The following PAX7 variants were observed in gnomAD, a reference collection of about 807,000 sequenced individuals.
PAX7 encodes the protein paired box 7.
PAX7 carries 18 observed loss-of-function variants against 50.7 expected under a neutral mutation model. That is an observed-to-expected ratio of 0.36 (90% CI 0.25 to 0.53). PAX7 has a LOEUF of 0.53. Among genes scored for constraint, PAX7 ranks in the 20% least tolerant of loss-of-function variants. The pLI is 0.93. For synonymous variants in PAX7, 310 were observed against 290.4 expected, an observed-to-expected ratio of 1.07 and a Z score of -0.69; for missense variants, 644 against 702.9, an observed-to-expected ratio of 0.92 and a Z score of 0.95.
chr1:18,668,219 G>A (rs1254476179), intron 4 of PAX7, among the ~76,000 whole-genome samples: 1 of 152,204 alleles, frequency 6.6e-6, no homozygotes, highest in East Asian at 1.9e-4. Context: ...CTGGCCCAGA[G>A]TCAGAGCTGT....
chr1:18,741,111 A>G (rs1409396181), intron 8 of PAX7, among the ~76,000 whole-genome samples: 4 of 152,236 alleles, frequency 2.6e-5, no homozygotes, highest in Admixed American at 6.5e-5. Context: ...AATGTATTGT[A>G]TATTTCAAAA....
In PAX7 at chr1:18,746,872, G is replaced by T. The variant is rs531949762; in HGVS notation, c.*1943G>T. 1 of 231,578 alleles carries T rather than the reference G, an allele frequency of 4.3e-6. No homozygotes were observed. Among genetic ancestry groups the T allele is most frequent in the East Asian group, 6.1e-5 (1 of 16,360 alleles). 14.3% of individuals were successfully genotyped at this position (231,578 alleles called of 1,614,324 possible). The stretch of plus-strand genomic sequence containing the variant: ...CATGACCAGGCTGGCTCATATCTCT[G>T]GTTTAGAGAAACCTATGAATAACTG... On this transcript the variant is annotated 3_prime_UTR_variant, in exon 9 of 9. Coordinates refer to ENST00000420770, the MANE Select transcript of PAX7 (RefSeq NM_001135254.2).
chr1:18,740,479 C>G (rs1290362698), intron 8 of PAX7, among the ~76,000 whole-genome samples: 2 of 152,166 alleles, frequency 1.3e-5, no homozygotes, highest in African/African-American at 4.8e-5. Context: ...CTCTCCGTAC[C>G]TCAGTTTCCT....
Position 18,735,681 on chromosome 1 carries a change from C to T in PAX7, c.1205C>T (p.Ala402Val). ...AGTGCGGTGCCCCCGCAGCCACAGG[C>T]TGACTTCTCCATCTCCCCGCTGCAT... The part of the protein sequence containing the change: ...NPSAVPPQPQ[A>V]DFSISPLHGG... The change falls in exon 8 of 9, where the codon GCT becomes GTT. Residue 402 changes from alanine to valine, a missense_variant. Coordinates refer to ENST00000420770, the MANE Select transcript of PAX7 (RefSeq NM_001135254.2). This position sits in a 1 kb window ranked among gnomAD's most constrained non-coding sequence, Gnocchi z 4.0. 6.2e-7 allele frequency: 1 copy of T among 1,614,120 alleles called. No individual in the cohort carries two copies. Among genetic ancestry groups the T allele is most frequent in the Non-Finnish European group, 8.5e-7 (1 of 1,179,998 alleles).
intron 7 of PAX7, among the ~76,000 whole-genome samples, chr1:18,705,831 C>G (rs2089276405): frequency 6.6e-6 from 1 of 152,148 alleles, no homozygotes; most frequent in South Asian, 2.1e-4. Context: ...CGAGAGGCCT[C>G]CAGCCCATTC....
intron 5 of PAX7, among the ~76,000 whole-genome samples, chr1:18,695,409 CAA>C (rs1236526225): frequency 1.2e-4 from 19 of 152,120 alleles, no homozygotes; most frequent in Admixed American, 1.2e-3. Context: ...ATTCACTGGG[CAA>C]AAAGCTCTGC....
At chr1:18,688,177 G>A (rs1054255749) in intron 4 of PAX7, among the ~76,000 whole-genome samples, 1 of 152,092 alleles carries the variant, frequency 6.6e-6, no homozygotes, top group Non-Finnish European at 1.5e-5. Context: ...ACTAATTCAA[G>A]GATACTAATG....
chr1:18,710,841 G>A (rs1343182126), intron 7 of PAX7, among the ~76,000 whole-genome samples: 3 of 152,180 alleles, frequency 2.0e-5, no homozygotes, highest in African/African-American at 4.8e-5. Flanking sequence ...AGGAGGTGTG[G>A]AGGATTGCCT....
chr1:18,708,988 C>T (rs886879929), intron 7 of PAX7, among the ~76,000 whole-genome samples: 4 of 152,134 alleles, frequency 2.6e-5, no homozygotes, highest in South Asian at 2.1e-4. Flanking sequence ...CTGCCAGTTT[C>T]GAGGGTCCCT....
intron 5 of PAX7, among the ~76,000 whole-genome samples, chr1:18,696,884 TA>T (rs1278448074): frequency 6.6e-6 from 1 of 152,224 alleles, no homozygotes; most frequent in African/African-American, 2.4e-5. Context: ...ATTGTACCTT[TA>T]AAAATAACTA....
intron 7 of PAX7, 99 bp downstream of exon 7, chr1:18,703,395 A>G (rs2089247845): frequency 1.9e-6 from 2 of 1,071,468 alleles, no homozygotes; most frequent in African/African-American, 3.1e-5. Flanking sequence ...TTCCTGTAGC[A>G]GGCTGACTGC....
At chr1:18,649,850 G>A (rs1300284159) in intron 4 of PAX7, among the ~76,000 whole-genome samples, 1 of 152,236 alleles carries the variant, frequency 6.6e-6, no homozygotes, top group Non-Finnish European at 1.5e-5. Context: ...ACTAACTGCT[G>A]TGTCATTCTG....
intron 4 of PAX7, among the ~76,000 whole-genome samples, chr1:18,670,217 G>A (rs747190599): frequency 1.3e-5 from 2 of 152,020 alleles, no homozygotes; most frequent in African/African-American, 4.8e-5. Flanking sequence ...CTACCTTGTA[G>A]AGCCATGGCA....
chr1:18,670,373 G>A (rs2088726198), intron 4 of PAX7, among the ~76,000 whole-genome samples: 1 of 152,134 alleles, frequency 6.6e-6, no homozygotes, highest in Non-Finnish European at 1.5e-5. Context: ...GTGGAGCATT[G>A]CAGGGCAGGA....
In PAX7 at chr1:18,691,989, T is replaced by C. The variant is rs761936776; in HGVS notation, c.786+36T>C. ...ACCTGCGGTGTCGGTGCTGCAGATATACTCCAGAGATTCAGAAGTTTGGGA... is the reference window on the plus strand; with the variant it reads ...ACCTGCGGTGTCGGTGCTGCAGATACACTCCAGAGATTCAGAAGTTTGGGA... On this transcript the variant is annotated intron_variant, in intron 5 of 8. Coordinates refer to ENST00000420770, the MANE Select transcript of PAX7 (RefSeq NM_001135254.2). 3.2e-5 allele frequency: 50 copies of C among 1,586,106 alleles called. No individual in the cohort carries two copies. In the East Asian group the frequency reaches 8.1e-4, roughly 26 times the overall value.
In PAX7 at chr1:18,703,114, C is replaced by T. The variant is rs756150156; in HGVS notation, c.973C>T (p.Arg325Trp). ...ISQDGGSTVH[R>W]PQPLPPSTMH... ...TACAGATGGGGGCAGCACTGTGCACCGGCCTCAGCCCCTGCCACCGTCCAC... is the reference window on the plus strand; with the variant it reads ...TACAGATGGGGGCAGCACTGTGCACTGGCCTCAGCCCCTGCCACCGTCCAC... The change falls in exon 7 of 9, where the codon CGG (arginine) becomes TGG (tryptophan). Residue 325 changes from arginine (R) to tryptophan (W), a missense_variant. Coordinates refer to ENST00000420770, the MANE Select transcript of PAX7 (RefSeq NM_001135254.2). The T allele has an allele frequency of 6.2e-6, 10 of 1,613,786 alleles. No individual in the cohort carries two copies. The highest frequency in any genetic ancestry group is 6.8e-6 in the Non-Finnish European group (8 of 1,179,860).
intron 4 of PAX7, among the ~76,000 whole-genome samples, chr1:18,677,466 G>A (rs183052167): frequency 6.6e-6 from 1 of 152,286 alleles, no homozygotes; most frequent in East Asian, 1.9e-4. Context: ...TGTAGCTTTT[G>A]TTAGTGTGGT....
chr1:18,735,845 G>A lies in PAX7; in HGVS notation c.1369G>A (p.Val457Met), dbSNP rs775613248. 1.1e-5 allele frequency: 17 copies of A among 1,614,124 alleles called. No individual in the cohort carries two copies. The East Asian group carries it at 2.5e-4, about 23-fold the overall frequency. ...YSTTGYSVDP[V>M]AGYQYGQYGQ... ...CACCACCGGCTACAGCGTGGACCCC[G>A]TGGCCGGCTATCAGTACGGCCAGTA... Residue 457 changes from valine (V) to methionine (M), a missense_variant, in exon 8 of 9, where the codon GTG (valine) becomes ATG (methionine). By Grantham distance (21) the Val-to-Met change is conservative. Transcript: ENST00000420770. The surrounding 1 kb of genome is among the most constrained non-coding windows in gnomAD (Gnocchi z 4.0).
chr1:18,725,241 C>T (rs369516949), intron 7 of PAX7, among the ~76,000 whole-genome samples: 15 of 152,014 alleles, frequency 9.9e-5, no homozygotes, highest in African/African-American at 2.9e-4. Flanking sequence ...TCCCTGCCAC[C>T]GCTCAGTCCC....
Sources: allele counts gnomAD v4.1 joint callset (sites outside exome capture counted in the v4.1 genomes callset), GRCh38; gene constraint gnomAD v4.1.1; non-coding constraint Gnocchi (gnomAD v3.1); transcripts MANE v1.5; gene names NCBI Gene and HGNC (gene_info 2026-07-23, HGNC 2026-07-21).